Variants in RUFY3 observed in about 807,000 individuals in gnomAD.
RUFY3 encodes the protein RUN and FYVE domain containing 3.
Under a neutral mutation model 84.0 loss-of-function variants are expected in RUFY3, and 34 were observed. The ratio of observed to expected loss-of-function variants is 0.40; its 90% CI spans 0.31 to 0.54. The LOEUF (loss-of-function observed/expected upper bound fraction) is 0.54, where lower values mean the gene tolerates loss of function less well. RUFY3 is among the 20% of genes least tolerant of loss of function. RUFY3 has a pLI of 0.39. For synonymous variants in RUFY3, 242 were observed against 252.9 expected (o/e 0.96, Z 0.41); for missense variants, 507 against 736.8 (o/e 0.69, Z 3.61).
At chr4:70,759,372 ATG>A (rs56698934) in intron 1 of RUFY3, among the ~76,000 whole-genome samples, 123,317 of 146,910 alleles carry the variant, frequency 0.84, 52,206 homozygotes, top group Non-Finnish European at 0.92. Context: ...GTGTGTGTGT[ATG>A]TGTGTGTGTG....
intron 1 of RUFY3, among the ~76,000 whole-genome samples, chr4:70,714,998 T>C (rs1741402566): frequency 6.6e-6 from 1 of 152,226 alleles, no homozygotes; most frequent in South Asian, 2.1e-4. Context: ...GTAGTGTTTG[T>C]TTCTAACAAA....
In RUFY3 at chr4:70,784,916, A is replaced by G. The variant is rs746310438; in HGVS notation, c.1071+37A>G. 2.1e-6 allele frequency: 3 copies of G among 1,441,346 alleles called. No homozygotes were observed. The East Asian group carries it at 7.4e-5, about 36-fold the overall frequency. The allele number at this position is 1,441,346 out of a possible 1,614,324, so 89.3% of individuals were successfully genotyped here. A position where few individuals can be genotyped will look rare whatever the true frequency, so the allele number is the denominator to read the frequency against. ...TTAATTTCTAATAGTTCAGGAATAT[A>G]TTAAAAGGTAACTGCCCACTTAGAG... On this transcript the variant is annotated intron_variant, in intron 10 of 17. Transcript: ENST00000381006.
At chr4:70,721,367 A>G (rs944951862), upstream of RUFY3, among the ~76,000 whole-genome samples, 8 of 152,170 alleles carry the variant, frequency 5.3e-5, no homozygotes, top group African/African-American at 1.9e-4. Context: ...AACAAAATCA[A>G]AAAGGGGGGA....
rs769517187 is a variant in RUFY3 at position 70,788,984 on chromosome 4, T to C, written c.1239+11T>C. The C allele has an allele frequency of 2.5e-6, 4 of 1,613,202 alleles. No individual in the cohort carries two copies. Among genetic ancestry groups the C allele is most frequent in the Admixed American group, 1.7e-5 (1 of 59,960 alleles). Reference sequence around the variant, plus strand: ...GCCTTTAAGCTGCAGGTAGGGGAAATATGAGGAATAGACTCACTGGCTCTC... The same window carrying C: ...GCCTTTAAGCTGCAGGTAGGGGAAACATGAGGAATAGACTCACTGGCTCTC... On this transcript the variant is annotated intron_variant, in intron 11 of 17. Coordinates refer to ENST00000381006, the MANE Select transcript of RUFY3 (RefSeq NM_001037442.4).
At position 70,804,398 on chromosome 4, in the gene RUFY3, A is replaced by C; in HGVS notation, c.1701A>C (p.Glu567Asp). Residue 567 changes from glutamate (E) to aspartate (D), a missense_variant, in exon 17 of 18, where the codon GAA becomes GAC. This residue lies in a region of RUFY3 where 334 missense variants were observed against 364.1 expected (regional missense o/e 0.92). Transcript: ENST00000381006. ...CACAGTTGTGTCAGCTATGCCAGGAAGACGGCAGCCTAACAAAGGTAACTG... is the reference window on the plus strand; with the variant it reads ...CACAGTTGTGTCAGCTATGCCAGGACGACGGCAGCCTAACAAAGGTAACTG... The part of the protein sequence containing the change: ...EKPQLCQLCQ[E>D]DGSLTKNVCK... 1 of 1,614,000 alleles carries C rather than the reference A, an allele frequency of 6.2e-7. No homozygotes were observed. Among genetic ancestry groups the C allele is most frequent in the East Asian group, 2.2e-5 (1 of 44,872 alleles).
intron 12 of RUFY3, chr4:70,792,148 C>T: frequency 1.0e-6 from 1 of 984,274 alleles, no homozygotes; most frequent in Non-Finnish European, 1.2e-6. Flanking sequence ...TGATGCAGTA[C>T]CCATTTTTCG....
chr4:70,717,408 A>G (rs1236427993), upstream of RUFY3, among the ~76,000 whole-genome samples: 2 of 152,202 alleles, frequency 1.3e-5, no homozygotes, highest in African/African-American at 4.8e-5. Flanking sequence ...TCAGTTTGTC[A>G]GAATGTGCCC....
chr4:70,722,513 TGGTGTGTGTGTGTG>T lies in RUFY3; in HGVS notation c.-60_-47del. The T allele has an allele frequency of 1.4e-6, 2 of 1,458,960 alleles. No individual in the cohort carries two copies. Among genetic ancestry groups the T allele is most frequent in the Non-Finnish European group, 1.8e-6 (2 of 1,092,084 alleles). 90.4% of individuals were successfully genotyped at this position (1,458,960 alleles called of 1,614,324 possible). ...GGTGAGGAGGTTGTATTTATTTTTT[TGGTGTGTGTGTGTG>T]AGTGTGTGTGTGTCTGTGTGTGTGT... On this transcript the variant is annotated 5_prime_UTR_variant, in exon 1 of 18. Transcript: ENST00000381006.
intron 14 of RUFY3, among the ~76,000 whole-genome samples, chr4:70,795,549 T>C (rs1008986886): frequency 1.3e-5 from 2 of 152,104 alleles, no homozygotes; most frequent in African/African-American, 4.8e-5. Context: ...TAAAATAACT[T>C]TTTCTGTAAA....
intron 15 of RUFY3, 116 bp from the exon 16 acceptor site, chr4:70,802,840 C>T (rs762848987): frequency 5.1e-5 from 34 of 669,974 alleles, no homozygotes; most frequent in Non-Finnish European, 7.2e-5. Context: ...ATATAAAAGA[C>T]CTACAGTATT....
chr4:70,788,978 G>C lies in RUFY3; in HGVS notation c.1239+5G>C. The C allele has an allele frequency of 1.2e-6, 2 of 1,613,612 alleles. No homozygotes were observed. Among genetic ancestry groups the C allele is most frequent in the Non-Finnish European group, 1.7e-6 (2 of 1,179,678 alleles). On this transcript the variant is annotated splice_donor_5th_base_variant and intron_variant, in intron 11 of 17. Coordinates refer to ENST00000381006, the MANE Select transcript of RUFY3 (RefSeq NM_001037442.4). ...GAACTTGCCTTTAAGCTGCAGGTAGGGGAAATATGAGGAATAGACTCACTG... is the reference window on the plus strand; with the variant it reads ...GAACTTGCCTTTAAGCTGCAGGTAGCGGAAATATGAGGAATAGACTCACTG...
Position 70,807,625 on chromosome 4 carries a change from A to C in RUFY3, c.*966A>C, listed in dbSNP as rs1385158954. Among the ~76,000 whole-genome samples, 2 of 151,214 alleles carry C rather than the reference A, an allele frequency of 1.3e-5. No homozygotes were observed. Among genetic ancestry groups the C allele is most frequent in the Non-Finnish European group, 2.9e-5 (2 of 67,942 alleles). ...ATCCCTGTTCTCCCGGGCCTCAAGCAATCTTCCCACCTTAGCCTCCCAAGT... is the reference window on the plus strand; with the variant it reads ...ATCCCTGTTCTCCCGGGCCTCAAGCCATCTTCCCACCTTAGCCTCCCAAGT... On this transcript the variant is annotated 3_prime_UTR_variant, in exon 18 of 18. Transcript: ENST00000381006.
At chr4:70,805,752 A>G (rs1176143838) in intron 17 of RUFY3, among the ~76,000 whole-genome samples, 2 of 152,224 alleles carry the variant, frequency 1.3e-5, no homozygotes, top group Admixed American at 6.5e-5. Flanking sequence ...AGGCTTTCAG[A>G]TAAAAGCAAC....
intron 1 of RUFY3, among the ~76,000 whole-genome samples, chr4:70,709,525 G>A (rs752262256): frequency 3.6e-4 from 55 of 152,174 alleles, no homozygotes; most frequent in Non-Finnish European, 5.9e-4. Flanking sequence ...ATATTTCGTG[G>A]TGGCTTTATC....
chr4:70,761,612 C>G (rs1367027480), intron 1 of RUFY3, among the ~76,000 whole-genome samples: 1 of 152,024 alleles, frequency 6.6e-6, no homozygotes. Context: ...AAGAGGTAGC[C>G]CACAGTGCTG....
At chr4:70,705,889 T>G (rs76016503) in intron 1 of RUFY3, among the ~76,000 whole-genome samples, 13,461 of 152,138 alleles carry the variant, frequency 0.088, 1,406 homozygotes, top group African/African-American at 0.23. Flanking sequence ...GTCCCCCGGA[T>G]TGGAAAGAGA....
chr4:70,805,234 G>T lies in RUFY3; in HGVS notation c.1719+818G>T, dbSNP rs1023114362. Reference sequence around the variant, plus strand: ...TCCTTTCAGCACTTTATCCTGCTCAGAACAGGATATGAGCTCTCCCTGCTA... The same window carrying T: ...TCCTTTCAGCACTTTATCCTGCTCATAACAGGATATGAGCTCTCCCTGCTA... On this transcript the variant is annotated intron_variant, in intron 17 of 17. Transcript: ENST00000381006. Among the ~76,000 whole-genome samples the T allele has an allele frequency of 3.9e-5, 6 of 152,224 alleles. No individual in the cohort carries two copies. The East Asian group carries it at 1.2e-3, about 29-fold the overall frequency.
chr4:70,787,187 A>AAAT (rs1553920475), intron 10 of RUFY3, among the ~76,000 whole-genome samples: 67 of 81,464 alleles, frequency 8.2e-4, no homozygotes, highest in Non-Finnish European at 9.6e-4. Flanking sequence ...AAAAAAAAAA[A>AAAT]ATATATATAT....
chr4:70,769,445 C>A (rs1726573021), intron 5 of RUFY3, among the ~76,000 whole-genome samples: 1 of 152,094 alleles, frequency 6.6e-6, no homozygotes, highest in African/African-American at 2.4e-5. Context: ...TACTTTATTG[C>A]TAAAAAAATG....
Sources: allele counts gnomAD v4.1 joint callset (sites outside exome capture counted in the v4.1 genomes callset), GRCh38; gene constraint gnomAD v4.1.1; regional missense constraint gnomAD v4.1.1; transcripts MANE v1.5; gene names NCBI Gene and HGNC (gene_info 2026-07-23, HGNC 2026-07-21).